DSE: variants seen among roughly 807,000 people sequenced by gnomAD.
DSE encodes the protein dermatan sulfate epimerase.
Under a neutral mutation model 84.4 loss-of-function variants are expected in DSE, and 36 were observed. The observed-to-expected ratio is 0.43, with a 90% CI of 0.33 to 0.56. DSE has a LOEUF of 0.56. Among genes scored for constraint, DSE ranks in the 20% least tolerant of loss-of-function variants. The pLI is 0.06. For synonymous variants in DSE, 410 were observed against 430.1 expected (o/e 0.95, Z 0.58); for missense variants, 862 against 1,169.6 (o/e 0.74, Z 3.84).
intron 1 of DSE, among the ~76,000 whole-genome samples, chr6:116,380,531 G>A (rs1016819006): frequency 3.9e-5 from 6 of 152,118 alleles, no homozygotes; most frequent in African/African-American, 1.2e-4. Flanking sequence ...CAGAGCAAAG[G>A]CACAAGAAGA....
At chr6:116,365,149 ACT>A (rs948224599) in intron 2 of DSE, among the ~76,000 whole-genome samples, 1 of 151,494 alleles carries the variant, frequency 6.6e-6, no homozygotes, top group African/African-American at 2.4e-5. Flanking sequence ...ATTTAGTAAC[ACT>A]CTATAAAACA....
At position 116,438,046 on chromosome 6, in the gene DSE, A is replaced by C. The variant is rs1784288029; in HGVS notation, c.*701A>C. On this transcript the variant is annotated 3_prime_UTR_variant, in exon 6 of 6. Transcript: ENST00000644252. ...TATGCTTGGTTACTTGCATGCATTC[A>C]TTGGTTGTTCAATAAGTGAGATGAT... is the stretch of plus-strand genomic sequence containing the variant. The C allele has an allele frequency of 6.7e-6, 1 of 148,932 alleles. No individual in the cohort carries two copies. The highest frequency in any genetic ancestry group is 1.5e-5 in the Non-Finnish European group (1 of 67,290). The allele number at this position is 148,932 out of a possible 1,614,324, so 9.2% of individuals were successfully genotyped here.
chr6:116,326,239 A>G (rs75122487), intron 2 of DSE, among the ~76,000 whole-genome samples: 6,547 of 152,154 alleles, frequency 0.043, 488 homozygotes, highest in African/African-American at 0.15. Flanking sequence ...GACAGGCCTC[A>G]TCCTAGAGGA....
upstream of DSE, chr6:116,370,406 C>T (rs1399685448): frequency 1.1e-6 from 1 of 926,818 alleles, no homozygotes; most frequent in African/African-American, 1.8e-5. Context: ...CTCCCACTAA[C>T]TTCTCTTTGA....
chr6:116,269,107 C>A (rs1365395073), intron 2 of DSE, among the ~76,000 whole-genome samples: 2 of 151,922 alleles, frequency 1.3e-5, no homozygotes, highest in African/African-American at 4.8e-5. Flanking sequence ...ACCTGAATGA[C>A]CCCACACCTT....
chr6:116,307,567 T>C (rs1775429954), intron 2 of DSE, among the ~76,000 whole-genome samples: 1 of 152,254 alleles, frequency 6.6e-6, no homozygotes, highest in Admixed American at 6.5e-5. Flanking sequence ...ATGCTGTTAC[T>C]AATAAATTAT....
At chr6:116,403,710 A>T (rs952746585) in intron 2 of DSE, among the ~76,000 whole-genome samples, 16 of 152,260 alleles carry the variant, frequency 1.1e-4, no homozygotes, top group African/African-American at 3.8e-4. Context: ...GTCAATATTG[A>T]AGTTTACAGT....
chr6:116,407,377 T>C (rs78417159), intron 2 of DSE, among the ~76,000 whole-genome samples: 125 of 152,314 alleles, frequency 8.2e-4, no homozygotes, highest in Non-Finnish European at 1.3e-3. Context: ...TGTCTTTTTG[T>C]GTCACTCTAT....
chr6:116,284,022 A>G (rs952316639), intron 2 of DSE, among the ~76,000 whole-genome samples: 1 of 152,216 alleles, frequency 6.6e-6, no homozygotes, highest in Non-Finnish European at 1.5e-5. Context: ...TTGGTCCATG[A>G]CAGAGCATTT....
At chr6:116,420,800 TGCA>T (rs1391545220) in intron 2 of DSE, among the ~76,000 whole-genome samples, 1 of 152,236 alleles carries the variant, frequency 6.6e-6, no homozygotes, top group African/African-American at 2.4e-5. Flanking sequence ...TTTAATCACT[TGCA>T]GTTCAAATCT....
chr6:116,313,247 A>G lies in DSE; in HGVS notation c.-54+54280A>G, dbSNP rs1220801583. On this transcript the variant is annotated intron_variant, in intron 2 of 3. Transcript: ENST00000430252. ...ATCCCCTGTAGGCTTCAGAAGGAGC[A>G]TGGCCCTGCCAATACCTTGAATTCT... Among the ~76,000 whole-genome samples the G allele has an allele frequency of 7.2e-5, 11 of 152,358 alleles. No homozygotes were observed. The South Asian group carries it at 2.3e-3, about 32-fold the overall frequency.
intron 2 of DSE, among the ~76,000 whole-genome samples, chr6:116,335,051 T>C (rs139591047): frequency 1.6e-3 from 241 of 152,304 alleles, no homozygotes; most frequent in African/African-American, 5.5e-3. Flanking sequence ...TGTAAATCAC[T>C]CTGTTACAAA....
Position 116,276,147 on chromosome 6 carries a change from A to T in DSE, c.-54+17180A>T, listed in dbSNP as rs138976771. Among the ~76,000 whole-genome samples the T allele has an allele frequency of 2.3e-3, 347 of 152,338 alleles. 4 individuals carry two copies. The East Asian group carries it at 0.023, about 10-fold the overall frequency. Reference sequence around the variant, plus strand: ...TATCTCCTCTATGGGGAACAGAAAGACTTTGGCAGAGGAATTACCAAGGGC... The same window carrying T: ...TATCTCCTCTATGGGGAACAGAAAGTCTTTGGCAGAGGAATTACCAAGGGC... On this transcript the variant is annotated intron_variant, in intron 2 of 3. Transcript: ENST00000430252.
chr6:116,284,193 C>T (rs935340430), intron 2 of DSE, among the ~76,000 whole-genome samples: 4 of 152,136 alleles, frequency 2.6e-5, no homozygotes, highest in Non-Finnish European at 4.4e-5. Context: ...AGGAGTTTAG[C>T]GGAAGTTCAG....
chr6:116,359,999 G>A (rs1335495621), intron 2 of DSE, among the ~76,000 whole-genome samples: 1 of 152,126 alleles, frequency 6.6e-6, no homozygotes, highest in Non-Finnish European at 1.5e-5. Context: ...TTAAAGAGAA[G>A]GTATATTACA....
At chr6:116,284,313 T>A (rs1582940580) in intron 2 of DSE, among the ~76,000 whole-genome samples, 1 of 152,164 alleles carries the variant, frequency 6.6e-6, no homozygotes, top group East Asian at 1.9e-4. Flanking sequence ...ATCCAGTGTG[T>A]CACATCTTTT....
chr6:116,365,549 G>C (rs1383875561), upstream of DSE, among the ~76,000 whole-genome samples: 1 of 152,216 alleles, frequency 6.6e-6, no homozygotes, highest in Non-Finnish European at 1.5e-5. Flanking sequence ...CACCGCACGT[G>C]GCCGGAAGTT....
chr6:116,408,246 C>G lies in DSE; in HGVS notation c.416+8580C>G, dbSNP rs182052404. ...AAATTTCCAGATTCCATCTTCTATA[C>G]CCACCCTCCAGTGTGATTCATATGT... On this transcript the variant is annotated intron_variant, in intron 2 of 5. Transcript: ENST00000644252. Among the ~76,000 whole-genome samples, 343 of 152,266 alleles carry G rather than the reference C, an allele frequency of 2.3e-3. 6 individuals carry two copies. The highest frequency in any genetic ancestry group is 4.4e-4 in the Non-Finnish European group (30 of 68,018).
At chr6:116,390,084 A>AT (rs1362587124) in intron 1 of DSE, among the ~76,000 whole-genome samples, 2 of 150,770 alleles carry the variant, frequency 1.3e-5, no homozygotes, top group African/African-American at 4.9e-5. Flanking sequence ...ATTTTATTTT[A>AT]TTATTTTTTT....
Sources: allele counts gnomAD v4.1 joint callset (sites outside exome capture counted in the v4.1 genomes callset), GRCh38; gene constraint gnomAD v4.1.1; transcripts MANE v1.5; gene names NCBI Gene and HGNC (gene_info 2026-07-23, HGNC 2026-07-21).